DDHD2: variants seen among roughly 807,000 people sequenced by gnomAD.
The protein encoded by DDHD2 is DDHD domain containing 2, also known as triacylglycerol hydrolase DDHD2.
In DDHD2, 62 loss-of-function variants were observed where a neutral mutation model predicts 91.2. The ratio of observed to expected loss-of-function variants is 0.68; its 90% confidence interval spans 0.55 to 0.84. DDHD2 has a LOEUF of 0.84. Ranked by LOEUF, DDHD2 falls within the 40% of genes least tolerant of loss-of-function variation. The pLI is 0.00. For missense variants in DDHD2, 740 were observed against 846.9 expected, an observed-to-expected ratio of 0.87 and a Z score of 1.57; for synonymous variants, 271 against 293.9, an observed-to-expected ratio of 0.92 and a Z score of 0.80.
downstream of DDHD2, chr8:38,264,417 G>A (rs1309857114): frequency 2.6e-6 from 4 of 1,520,550 alleles, no homozygotes; most frequent in South Asian, 3.7e-5. Flanking sequence ...ACAGGCATGA[G>A]CCACCACGCC....
At chr8:38,264,960 G>A, downstream of DDHD2, 1 of 1,586,270 alleles carries the variant, frequency 6.3e-7, no homozygotes, top group South Asian at 1.1e-5. Flanking sequence ...CTAGAGGAAG[G>A]AATAAAGTAT....
intron 11 of DDHD2, 42 bp downstream of exon 11, chr8:38,249,845 A>C (rs767288206): frequency 7.6e-5 from 102 of 1,349,466 alleles, no homozygotes; most frequent in Non-Finnish European, 8.7e-5. Context: ...CAATTCTTTG[A>C]TGTCCATAGT....
chr8:38,269,159 A>ACTT, intron 1 of DDHD2: 2 of 1,512,612 alleles, frequency 1.3e-6, no homozygotes, highest in Non-Finnish European at 1.8e-6. Flanking sequence ...CCGCACGCCC[A>ACTT]CTTCGGCCCC....
chr8:38,239,520 TACTAAA>T (rs1710889765), intron 5 of DDHD2, among the ~76,000 whole-genome samples: 1 of 150,256 alleles, frequency 6.7e-6, no homozygotes, highest in African/African-American at 2.4e-5. Context: ...ACCCTGTCTC[TACTAAA>T]ACTACAAAAA....
At position 38,255,084 on chromosome 8, in the gene DDHD2, A is replaced by G. The variant is rs187471694; in HGVS notation, c.2054+1366A>G. ...GTGGTGCATGCCTGTAGTCCCAGCT[A>G]CTAGGGAGGCTGAGACAGGAGAATT... is the stretch of plus-strand genomic sequence containing the variant. On this transcript the variant is annotated intron_variant, in intron 16 of 17. Transcript: ENST00000397166. 7.4e-3 allele frequency among the ~76,000 whole-genome samples: 1,117 copies of G among 151,920 alleles called. 8 individuals carry two copies. The highest frequency in any genetic ancestry group is 0.012 in the Non-Finnish European group (805 of 67,966).
intron 5 of DDHD2, among the ~76,000 whole-genome samples, 172 bp from the exon 6 acceptor site, chr8:38,240,103 A>G (rs757395383): frequency 2.0e-5 from 3 of 152,172 alleles, no homozygotes; most frequent in Non-Finnish European, 2.9e-5. Flanking sequence ...GATAAATTAG[A>G]AACCAAGTAA....
intron 15 of DDHD2, 30 bp from the exon 16 acceptor site, chr8:38,253,526 A>G: frequency 6.3e-7 from 1 of 1,597,510 alleles, no homozygotes; most frequent in South Asian, 1.1e-5. Context: ...AAAAGGTTTT[A>G]GATTCTTATT....
intron 1 of DDHD2, chr8:38,269,584 G>T: frequency 4.0e-6 from 1 of 247,154 alleles, no homozygotes; most frequent in African/African-American, 2.3e-5. Flanking sequence ...GCATTCTGCA[G>T]GAAGCTACAC....
chr8:38,254,228 A>G lies in DDHD2; in HGVS notation c.2054+510A>G, dbSNP rs1345377992. Among the ~76,000 whole-genome samples the G allele has an allele frequency of 2.0e-5, 3 of 152,202 alleles. No individual in the cohort carries two copies. In the East Asian group the frequency reaches 5.8e-4, roughly 29 times the overall value. On this transcript the variant is annotated intron_variant, in intron 16 of 17. Coordinates refer to ENST00000397166, the MANE Select transcript of DDHD2 (RefSeq NM_015214.3). ...AACATGGTTGAGGCTAATGATGCCA[A>G]CAACCATAAGTTCAATTATCTTGGT...
chr8:38,272,717 C>G (rs1047121517), downstream of DDHD2: 4 of 152,148 alleles, frequency 2.6e-5, no homozygotes, highest in Non-Finnish European at 4.4e-5. Context: ...CATTGTTGGA[C>G]AAGAATAAAA....
At chr8:38,251,385 CT>C (rs1563310870) in intron 11 of DDHD2, 2 of 152,462 alleles carry the variant, frequency 1.3e-5, no homozygotes, top group Non-Finnish European at 2.9e-5. Context: ...TGGCTCATTT[CT>C]TTTTAAAGAC....
chr8:38,269,306 G>T, intron 1 of DDHD2: 1 of 1,185,296 alleles, frequency 8.4e-7, no homozygotes, highest in South Asian at 1.9e-5. Flanking sequence ...GCGCTCCGGC[G>T]GCTCCCCAGG....
Position 38,238,187 on chromosome 8 carries a change from C to G in DDHD2, c.600C>G (p.Asn200Lys), listed in dbSNP as rs1299356367. 1 of 1,613,878 alleles carries G rather than the reference C, an allele frequency of 6.2e-7. No homozygotes were observed. Among genetic ancestry groups the G allele is most frequent in the Non-Finnish European group, 8.5e-7 (1 of 1,179,896 alleles). ...RPRTVKRGVE[N>K]ISVDIHCGEP... ...GAACTGTGAAGAGAGGAGTTGAGAA[C>G]ATCTCTGTTGACATTCATTGTGGTA... The change falls in exon 5 of 18, where the codon AAC becomes AAG. Residue 200 changes from asparagine to lysine, a missense_variant. Physicochemically the swap from Asn to Lys is moderately conservative, Grantham distance 94. Coordinates refer to ENST00000397166, the MANE Select transcript of DDHD2 (RefSeq NM_015214.3).
At chr8:38,268,944 C>T (rs1452767110) in intron 1 of DDHD2, 6 of 1,564,056 alleles carry the variant, frequency 3.8e-6, no homozygotes, top group Non-Finnish European at 5.2e-6. Flanking sequence ...AGCCACATCT[C>T]CTCCGGCTGG....
intron 1 of DDHD2, chr8:38,269,247 G>A: frequency 7.1e-7 from 1 of 1,399,320 alleles, no homozygotes; most frequent in Non-Finnish European, 9.2e-7. Flanking sequence ...CCACCTCCGC[G>A]GGGAGGGCCG....
At chr8:38,239,743 G>C (rs1805098912) in intron 5 of DDHD2, among the ~76,000 whole-genome samples, 1 of 133,728 alleles carries the variant, frequency 7.5e-6, no homozygotes, top group African/African-American at 2.7e-5. Flanking sequence ...TTTTTTTGGA[G>C]ACAGAGTCTT....
In DDHD2 at chr8:38,231,696, C is replaced by A. The variant is rs1804261901; in HGVS notation, c.-172C>A. 1 of 152,220 alleles carries A rather than the reference C, an allele frequency of 6.6e-6. No homozygotes were observed. The highest frequency in any genetic ancestry group is 1.5e-5 in the Non-Finnish European group (1 of 68,130). 9.4% of individuals were successfully genotyped at this position (152,220 alleles called of 1,614,324 possible). A position where few individuals can be genotyped will look rare whatever the true frequency, so the allele number is the denominator to read the frequency against. ...GGCATCCGGGCCCGCTACTCGCCCA[C>A]TGGGAGCGCCGTGGCGCCTGGTGTT... is the stretch of plus-strand genomic sequence containing the variant. On this transcript the variant is annotated 5_prime_UTR_variant, in exon 1 of 18. In the 5' UTR this introduces an upstream ATG that the reference lacks. Coordinates refer to ENST00000397166, the MANE Select transcript of DDHD2 (RefSeq NM_015214.3).
Position 38,269,125 on chromosome 8 carries a change from C to G in DDHD2, n.88-1997C>G, listed in dbSNP as rs540426243. The G allele has an allele frequency of 7.0e-5, 106 of 1,523,684 alleles. 1 individual carries two copies. The highest frequency in any genetic ancestry group is 3.8e-4 in the East Asian group (15 of 39,016). The allele number at this position is 1,523,684 out of a possible 1,614,324, so 94.4% of individuals were successfully genotyped here. On this transcript the variant is annotated intron_variant and non_coding_transcript_variant, in intron 1 of 1. Coordinates refer to the DDHD2 transcript ENST00000526071. ...CGGGCCCGGCCGTGGATCTTTCTTA[C>G]AGGAAGGCCGCGAACAGCGCGAGCC...
At position 38,252,605 on chromosome 8, in the gene DDHD2, G is replaced by A. The variant is rs150613578; in HGVS notation, c.1618-117G>A. On this transcript the variant is annotated intron_variant, in intron 13 of 17. Transcript: ENST00000397166. ...TACAGTGAGCCATGATTGCACCACT[G>A]CACTCCAGCCTGGGTGACAGAGCGA... 1.6e-5 allele frequency: 12 copies of A among 736,900 alleles called. No individual in the cohort carries two copies. In the African/African-American group the frequency reaches 1.8e-4, roughly 11 times the overall value. The allele number at this position is 736,900 out of a possible 1,614,324, so 45.6% of individuals were successfully genotyped here.
Sources: allele counts gnomAD v4.1 joint callset (sites outside exome capture counted in the v4.1 genomes callset), GRCh38; gene constraint gnomAD v4.1.1; transcripts MANE v1.5; gene names NCBI Gene and HGNC (gene_info 2026-07-23, HGNC 2026-07-21).